Variants in MAF observed in about 807,000 individuals in gnomAD.
The protein encoded by MAF is MAF bZIP transcription factor.
MAF carries 10 observed loss-of-function variants against 22.0 expected under a neutral mutation model. The ratio of observed to expected loss-of-function variants is 0.45; its 90% CI spans 0.28 to 0.77. The LOEUF is 0.77. MAF is among the 30% of genes least tolerant of loss of function. The pLI is 0.12. For missense variants in MAF, 544 were observed against 548.4 expected (o/e 0.99, Z 0.08); for synonymous variants, 337 against 255.8 (o/e 1.32, Z -3.03).
At chr16:79,516,539 G>C in the MAF span, among the ~76,000 whole-genome samples, 23 of 152,304 alleles carry the variant, frequency 1.5e-4, 1 homozygote, top group South Asian at 4.1e-4. Flanking sequence ...AATAGATGTA[G>C]TAATAATTAA....
the MAF span, among the ~76,000 whole-genome samples, chr16:79,547,922 G>GAGAGAGAGAT: frequency 3.6e-5 from 4 of 110,110 alleles, no homozygotes; most frequent in African/African-American, 6.0e-5. Flanking sequence ...GAGAGAGATA[G>GAGAGAGAGAT]AGAGAGAGAG....
At chr16:79,541,713 G>A in the MAF span, among the ~76,000 whole-genome samples, 1 of 143,986 alleles carries the variant, frequency 6.9e-6, no homozygotes, top group Non-Finnish European at 1.5e-5. Context: ...TGCCCAGGCT[G>A]GAGTGCAATC....
the MAF span, among the ~76,000 whole-genome samples, chr16:79,528,010 G>A: frequency 6.6e-6 from 1 of 152,122 alleles, no homozygotes; most frequent in Non-Finnish European, 1.5e-5. Context: ...GGGCGTGTTG[G>A]TGCGCACCTG....
At chr16:79,324,754 G>T in the MAF span, among the ~76,000 whole-genome samples, 1 of 152,008 alleles carries the variant, frequency 6.6e-6, no homozygotes, top group Non-Finnish European at 1.5e-5. Flanking sequence ...GGTGAAGGGG[G>T]ACTGTATTTG....
the MAF span, among the ~76,000 whole-genome samples, chr16:79,343,425 T>G: frequency 6.6e-6 from 1 of 152,222 alleles, no homozygotes; most frequent in Non-Finnish European, 1.5e-5. Context: ...TGTCATATTA[T>G]TGAAACCCAC....
the MAF span, among the ~76,000 whole-genome samples, chr16:79,361,286 G>A: frequency 1.3e-5 from 2 of 152,134 alleles, no homozygotes; most frequent in African/African-American, 4.8e-5. Flanking sequence ...AGCATCCATG[G>A]AGAGCACTCT....
the MAF span, among the ~76,000 whole-genome samples, chr16:79,535,750 A>G: frequency 6.6e-6 from 1 of 151,824 alleles, no homozygotes; most frequent in Admixed American, 6.6e-5. Context: ...GGCACGTGCC[A>G]CCATGCCCAG....
the MAF span, among the ~76,000 whole-genome samples, chr16:79,261,506 A>G: frequency 6.6e-6 from 1 of 152,200 alleles, no homozygotes. Context: ...TACTCAGTAA[A>G]TATTTAACAA....
chr16:79,284,853 G>A, the MAF span, among the ~76,000 whole-genome samples: 2,285 of 152,184 alleles, frequency 0.015, 52 homozygotes, highest in African/African-American at 0.052. Context: ...ACCTGGACTC[G>A]TTAAAAATAC....
the MAF span, among the ~76,000 whole-genome samples, chr16:79,419,335 T>A: frequency 6.6e-6 from 1 of 152,304 alleles, no homozygotes; most frequent in East Asian, 1.9e-4. Flanking sequence ...GTCACAATAT[T>A]TCACCTTTTC....
At chr16:79,488,332 C>T in the MAF span, among the ~76,000 whole-genome samples, 1 of 152,134 alleles carries the variant, frequency 6.6e-6, no homozygotes, top group African/African-American at 2.4e-5. Context: ...ATGTTAGGTC[C>T]TCTCCTCTCA....
the MAF span, among the ~76,000 whole-genome samples, chr16:79,480,815 C>T: frequency 1.3e-5 from 2 of 152,178 alleles, no homozygotes; most frequent in South Asian, 4.1e-4. Context: ...CCATTCCCTT[C>T]CTCTGGGAAA....
chr16:79,561,222 C>T, the MAF span, among the ~76,000 whole-genome samples: 1 of 151,934 alleles, frequency 6.6e-6, no homozygotes, highest in Admixed American at 6.6e-5. Context: ...TGTTCATCTG[C>T]CTATTGCTGG....
the MAF span, among the ~76,000 whole-genome samples, chr16:79,337,351 C>G: frequency 5.3e-5 from 8 of 152,154 alleles, no homozygotes; most frequent in Admixed American, 2.6e-4. Context: ...GCAGGCGGAT[C>G]ACCAGGTCTG....
At chr16:79,473,736 T>G in the MAF span, among the ~76,000 whole-genome samples, 1 of 152,310 alleles carries the variant, frequency 6.6e-6, no homozygotes, top group South Asian at 2.1e-4. Context: ...TAAAAATAAG[T>G]ACTTAACCGT....
the MAF span, chr16:79,211,486 C>G: frequency 1.5e-6 from 2 of 1,293,870 alleles, no homozygotes; most frequent in South Asian, 1.3e-5. Context: ...TTTGCTATGC[C>G]AAGATCCAGC....
chr16:79,445,041 T>G, the MAF span, among the ~76,000 whole-genome samples: 4 of 152,066 alleles, frequency 2.6e-5, no homozygotes, highest in African/African-American at 7.2e-5. Flanking sequence ...ATTTATTTAT[T>G]TATTTTTTTT....
the MAF span, among the ~76,000 whole-genome samples, chr16:79,269,778 C>T: frequency 6.6e-6 from 1 of 152,044 alleles, no homozygotes; most frequent in Non-Finnish European, 1.5e-5. Flanking sequence ...GGTAGCAACA[C>T]CAGAAAAGGA....
At chr16:79,522,751 C>A in the MAF span, among the ~76,000 whole-genome samples, 1 of 152,300 alleles carries the variant, frequency 6.6e-6, no homozygotes, top group African/African-American at 2.4e-5. Context: ...CGATGGCTTG[C>A]TTGCTGGGGC....
Sources: allele counts gnomAD v4.1 joint callset (sites outside exome capture counted in the v4.1 genomes callset), GRCh38; gene constraint gnomAD v4.1.1; transcripts MANE v1.5; gene names NCBI Gene and HGNC (gene_info 2026-07-23, HGNC 2026-07-21).